The following FAF1 variants were observed in gnomAD, a reference collection of about 807,000 sequenced individuals.
FAF1 encodes FAS-associated factor 1.
A neutral mutation model predicts 92.5 loss-of-function variants in FAF1; 25 were observed. That is an observed-to-expected ratio of 0.27 (90% CI 0.20 to 0.38). The LOEUF is 0.38. Among genes scored for constraint, FAF1 ranks in the 10% least tolerant of loss-of-function variants. The pLI is 1.00. For missense variants in FAF1, 636 were observed against 793.3 expected, an observed-to-expected ratio of 0.80 and a Z score of 2.38; for synonymous variants, 234 against 273.2, an observed-to-expected ratio of 0.86 and a Z score of 1.42.
At chr1:50,616,620 A>G (rs1652923900) in intron 8 of FAF1, among the ~76,000 whole-genome samples, 1 of 150,366 alleles carries the variant, frequency 6.7e-6, no homozygotes, top group Admixed American at 6.6e-5. Context: ...TTGTGTTCTT[A>G]GTTTGACTCT....
At chr1:50,775,071 C>A (rs1660906858) in intron 4 of FAF1, among the ~76,000 whole-genome samples, 1 of 151,996 alleles carries the variant, frequency 6.6e-6, no homozygotes, top group African/African-American at 2.4e-5. Flanking sequence ...CATCTCTTTG[C>A]ATTGTATTAT....
chr1:50,954,317 T>C (rs1421470783), intron 1 of FAF1, among the ~76,000 whole-genome samples: 2 of 152,096 alleles, frequency 1.3e-5, no homozygotes, highest in Non-Finnish European at 2.9e-5. Flanking sequence ...TTTTCTTTCT[T>C]CACTTGAGTA....
chr1:50,524,200 GAA>G (rs1647666474), intron 15 of FAF1, among the ~76,000 whole-genome samples: 3 of 152,014 alleles, frequency 2.0e-5, no homozygotes. Flanking sequence ...GTCTTCTTTT[GAA>G]AAGTGTCTGT....
intron 4 of FAF1, among the ~76,000 whole-genome samples, chr1:50,761,601 C>T (rs902969730): frequency 5.3e-5 from 8 of 152,182 alleles, no homozygotes; most frequent in Admixed American, 2.0e-4. Flanking sequence ...ATGATTATCT[C>T]AGTAGATGCA....
intron 8 of FAF1, among the ~76,000 whole-genome samples, chr1:50,622,171 A>T (rs573850855): frequency 1.2e-4 from 18 of 151,868 alleles, no homozygotes; most frequent in East Asian, 3.9e-4. Flanking sequence ...TCTCAAAAAA[A>T]AAAAAATAAA....
chr1:50,769,509 C>A (rs1482590055), intron 4 of FAF1, among the ~76,000 whole-genome samples: 1 of 152,138 alleles, frequency 6.6e-6, no homozygotes, highest in Admixed American at 6.5e-5. Context: ...AGCTTCAGGC[C>A]AGTATCAATG....
intron 18 of FAF1, among the ~76,000 whole-genome samples, chr1:50,447,048 T>C (rs1392306595): frequency 2.6e-5 from 4 of 151,244 alleles, no homozygotes; most frequent in African/African-American, 9.8e-5. Context: ...ATTCCATGAG[T>C]TACAGGCTTT....
At chr1:50,762,421 A>G (rs1207916126) in intron 4 of FAF1, among the ~76,000 whole-genome samples, 2 of 151,948 alleles carry the variant, frequency 1.3e-5, no homozygotes, top group East Asian at 1.9e-4. Context: ...GAGGCATCAC[A>G]CTACCTGACT....
intron 17 of FAF1, among the ~76,000 whole-genome samples, chr1:50,476,967 A>G (rs1317537907): frequency 6.6e-6 from 1 of 152,210 alleles, no homozygotes; most frequent in Non-Finnish European, 1.5e-5. Flanking sequence ...GGTAGGGGAA[A>G]CAAGGTGGAA....
At chr1:50,708,230 A>G (rs1657770979) in intron 6 of FAF1, among the ~76,000 whole-genome samples, 1 of 152,210 alleles carries the variant, frequency 6.6e-6, no homozygotes, top group African/African-American at 2.4e-5. Flanking sequence ...AGCAGACAGG[A>G]GGCTGGTTCA....
At chr1:50,674,860 CTATTTTATTTTATTT>C (rs60719405) in intron 7 of FAF1, among the ~76,000 whole-genome samples, 3,029 of 143,774 alleles carry the variant, frequency 0.021, 67 homozygotes, top group Non-Finnish European at 0.031. Context: ...TCACCTTGTA[CTATTTTATTTTATTT>C]TATTTTATTT....
chr1:50,845,879 T>G (rs1644294646), intron 2 of FAF1, among the ~76,000 whole-genome samples: 1 of 151,948 alleles, frequency 6.6e-6, no homozygotes, highest in African/African-American at 2.4e-5. Context: ...TCCCTGCACT[T>G]TGGGAGGTCA....
chr1:50,686,507 G>A (rs1254259748), intron 7 of FAF1, among the ~76,000 whole-genome samples: 3 of 150,602 alleles, frequency 2.0e-5, no homozygotes, highest in African/African-American at 7.3e-5. Flanking sequence ...GCACCATTGC[G>A]CTCCAGGCTG....
At chr1:50,500,181 C>T (rs1646966315) in intron 15 of FAF1, among the ~76,000 whole-genome samples, 1 of 151,986 alleles carries the variant, frequency 6.6e-6, no homozygotes, top group Non-Finnish European at 1.5e-5. Context: ...TGGAAATGCA[C>T]AGGACCTACA....
chr1:50,738,274 T>G (rs1179261607), intron 6 of FAF1, among the ~76,000 whole-genome samples: 3 of 151,786 alleles, frequency 2.0e-5, no homozygotes, highest in Non-Finnish European at 2.9e-5. Context: ...AGAAACCCCA[T>G]CTCTACTAAA....
At chr1:50,729,906 A>G (rs983357054) in intron 6 of FAF1, among the ~76,000 whole-genome samples, 2 of 152,082 alleles carry the variant, frequency 1.3e-5, no homozygotes, top group Non-Finnish European at 2.9e-5. Flanking sequence ...CTGTAGTCCC[A>G]GCTACTCAGG....
intron 4 of FAF1, among the ~76,000 whole-genome samples, chr1:50,758,657 C>T (rs1270224089): frequency 6.6e-6 from 1 of 152,150 alleles, no homozygotes; most frequent in Admixed American, 6.5e-5. Flanking sequence ...CGTTTTCTTT[C>T]AGGCTGCCTG....
intron 13 of FAF1, among the ~76,000 whole-genome samples, chr1:50,552,069 C>A (rs767825235): frequency 6.6e-6 from 1 of 151,950 alleles, no homozygotes; most frequent in Non-Finnish European, 1.5e-5. Flanking sequence ...CCAAGGCGGG[C>A]GGATCACCTG....
At chr1:50,929,506 A>G (rs954976117) in intron 1 of FAF1, among the ~76,000 whole-genome samples, 4 of 152,244 alleles carry the variant, frequency 2.6e-5, no homozygotes, top group Admixed American at 1.3e-4. Context: ...TGTTTATATT[A>G]TATCTTTTGG....
Sources: gnomAD v4.1 joint callset for allele counts (sites outside exome capture counted in the v4.1 genomes callset) on GRCh38, gnomAD v4.1.1 for gene constraint, MANE v1.5 for transcripts, NCBI Gene and HGNC (gene_info 2026-07-23, HGNC 2026-07-21) for gene names.